The following ADGRL3 variants were observed in gnomAD, a reference collection of about 807,000 sequenced individuals.
ADGRL3 encodes the protein adhesion G protein-coupled receptor L3, also known as calcium-independent alpha-latrotoxin receptor 3.
Under a neutral mutation model 153.5 loss-of-function variants are expected in ADGRL3, and 62 were observed. The ratio of observed to expected loss-of-function variants is 0.40; its 90% CI spans 0.33 to 0.50. ADGRL3 has a LOEUF of 0.50. Ranked by LOEUF, ADGRL3 falls within the 20% of genes least tolerant of loss-of-function variation. The pLI, the probability that ADGRL3 is intolerant of heterozygous loss-of-function variation, is 0.47. For synonymous variants in ADGRL3, 710 were observed against 672.5 expected (o/e 1.06, Z -0.86); for missense variants, 1,641 against 1,859.4 (o/e 0.88, Z 2.16).
At position 61,497,105 on chromosome 4, in the gene ADGRL3, T is replaced by G; in HGVS notation, c.-173-16T>G. On this transcript the variant is annotated splice_polypyrimidine_tract_variant and intron_variant, in intron 2 of 26. Transcript: ENST00000683033. ...CTTATTTTATACAATAACCCTTTTT[T>G]TTTTCTTTTTTGCAGGTTTCAGATT... The G allele has an allele frequency of 1.8e-6, 1 of 552,436 alleles. No homozygotes were observed. The highest frequency in any genetic ancestry group is 3.1e-6 in the Non-Finnish European group (1 of 320,166). 34.2% of individuals were successfully genotyped at this position (552,436 alleles called of 1,614,324 possible).
intron 5 of ADGRL3, among the ~76,000 whole-genome samples, chr4:61,662,663 G>A (rs1035828859): frequency 3.9e-5 from 6 of 152,348 alleles, no homozygotes; most frequent in South Asian, 2.1e-4. Flanking sequence ...ACTTCTGGGT[G>A]GAAAGGGGTG....
At chr4:61,567,443 T>C (rs1321887127) in intron 4 of ADGRL3, among the ~76,000 whole-genome samples, 1 of 152,168 alleles carries the variant, frequency 6.6e-6, no homozygotes, top group Non-Finnish European at 1.5e-5. Context: ...TAAGTTGGAT[T>C]AGTGTCCTTA....
intron 15 of ADGRL3, among the ~76,000 whole-genome samples, chr4:61,945,824 C>T (rs1344011571): frequency 6.6e-6 from 1 of 151,956 alleles, no homozygotes; most frequent in African/African-American, 2.4e-5. Context: ...CACTGGCCTG[C>T]GCCCACTGTC....
intron 25 of ADGRL3, among the ~76,000 whole-genome samples, chr4:62,056,013 C>T (rs965575981): frequency 6.6e-6 from 1 of 151,298 alleles, no homozygotes; most frequent in Non-Finnish European, 1.5e-5. Flanking sequence ...TACAAGGCTC[C>T]TAATAAAATT....
At chr4:61,298,876 A>G (rs2094494923) in intron 1 of ADGRL3, among the ~76,000 whole-genome samples, 1 of 152,138 alleles carries the variant, frequency 6.6e-6, no homozygotes, top group African/African-American at 2.4e-5. Context: ...ACTTCAAGTG[A>G]TTTATTAGAG....
chr4:61,707,223 T>A (rs1233742475), intron 6 of ADGRL3, among the ~76,000 whole-genome samples: 1 of 152,098 alleles, frequency 6.6e-6, no homozygotes, highest in Non-Finnish European at 1.5e-5. Context: ...TGATCACAGA[T>A]CCCTGTAACA....
chr4:61,824,717 A>T (rs1305501412), intron 9 of ADGRL3, among the ~76,000 whole-genome samples: 2 of 152,126 alleles, frequency 1.3e-5, no homozygotes, highest in Non-Finnish European at 2.9e-5. Flanking sequence ...TATTTGGCAT[A>T]CTCAACATAA....
intron 5 of ADGRL3, among the ~76,000 whole-genome samples, chr4:61,641,414 C>T (rs528396169): frequency 6.6e-6 from 1 of 150,582 alleles, no homozygotes; most frequent in African/African-American, 2.4e-5. Flanking sequence ...TTAGGTATAT[C>T]TCCCAATGCT....
At chr4:61,244,865 G>A (rs144524904) in intron 1 of ADGRL3, among the ~76,000 whole-genome samples, 6 of 140,748 alleles carry the variant, frequency 4.3e-5, no homozygotes, top group African/African-American at 1.6e-4. Flanking sequence ...TTTTCTACTG[G>A]TTTATTTCTA....
chr4:61,895,517 T>G (rs2098624899), intron 10 of ADGRL3, among the ~76,000 whole-genome samples: 1 of 152,164 alleles, frequency 6.6e-6, no homozygotes, highest in African/African-American at 2.4e-5. Context: ...ATACCTAATG[T>G]GGCTGCCACA....
intron 2 of ADGRL3, among the ~76,000 whole-genome samples, chr4:61,435,563 T>G (rs1206015777): frequency 2.6e-5 from 4 of 152,148 alleles, no homozygotes; most frequent in African/African-American, 4.8e-5. Context: ...CAGGTCAATT[T>G]GTCTGCATTG....
chr4:61,765,911 A>G (rs181886271), intron 8 of ADGRL3, among the ~76,000 whole-genome samples: 1 of 152,242 alleles, frequency 6.6e-6, no homozygotes, highest in Admixed American at 6.5e-5. Flanking sequence ...GAACACTGAG[A>G]AGTTATTTCT....
intron 1 of ADGRL3, among the ~76,000 whole-genome samples, chr4:61,287,856 A>C (rs970482002): frequency 2.6e-5 from 4 of 152,042 alleles, no homozygotes; most frequent in African/African-American, 9.7e-5. Context: ...TTTGGAAAAC[A>C]TAACAAATTC....
At chr4:61,411,204 A>G (rs2097082967) in intron 2 of ADGRL3, among the ~76,000 whole-genome samples, 2 of 152,092 alleles carry the variant, frequency 1.3e-5, no homozygotes, top group South Asian at 4.1e-4. Flanking sequence ...TTCTGATCAT[A>G]TATTACATTC....
intron 1 of ADGRL3, among the ~76,000 whole-genome samples, chr4:61,363,212 T>C (rs932644921): frequency 2.0e-5 from 3 of 152,208 alleles, no homozygotes; most frequent in Admixed American, 2.0e-4. Context: ...GGGAGATTAT[T>C]GTAATATAAT....
intron 1 of ADGRL3, among the ~76,000 whole-genome samples, chr4:61,319,769 A>G (rs968398952): frequency 1.3e-5 from 2 of 152,178 alleles, no homozygotes; most frequent in South Asian, 4.1e-4. Context: ...TAATGTAGTA[A>G]ACTAGAGATC....
chr4:61,548,309 T>G (rs2098723594), intron 4 of ADGRL3, among the ~76,000 whole-genome samples: 1 of 152,136 alleles, frequency 6.6e-6, no homozygotes, highest in Admixed American at 6.5e-5. Context: ...CAATTTTTGT[T>G]GTTGTTGCAA....
chr4:61,752,798 C>T (rs974293863), intron 8 of ADGRL3, among the ~76,000 whole-genome samples: 2 of 152,062 alleles, frequency 1.3e-5, no homozygotes, highest in African/African-American at 4.8e-5. Context: ...CCAGAGCATG[C>T]TGGCATTCAC....
chr4:61,994,592 T>C (rs1028736124), intron 19 of ADGRL3, among the ~76,000 whole-genome samples: 1 of 152,024 alleles, frequency 6.6e-6, no homozygotes, highest in Non-Finnish European at 1.5e-5. Context: ...ATAAACATCA[T>C]TGCCTCCATT....
Sources: allele counts gnomAD v4.1 joint callset (sites outside exome capture counted in the v4.1 genomes callset), GRCh38; gene constraint gnomAD v4.1.1; transcripts MANE v1.5; gene names NCBI Gene and HGNC (gene_info 2026-07-23, HGNC 2026-07-21).